ASAP1: variants seen among roughly 807,000 people sequenced by gnomAD.
ASAP1 encodes arf-GAP with SH3 domain, ANK repeat and PH domain-containing protein 1.
Under a neutral mutation model 145.2 loss-of-function variants are expected in ASAP1, and 43 were observed. That is an observed-to-expected ratio of 0.30 (90% confidence interval 0.23 to 0.38). The LOEUF (loss-of-function observed/expected upper bound fraction) is 0.38. Among genes scored for constraint, ASAP1 ranks in the 10% least tolerant of loss-of-function variants. ASAP1 has a pLI of 1.00. For synonymous variants in ASAP1, 546 were observed against 515.5 expected, an observed-to-expected ratio of 1.06 and a Z score of -0.80; for missense variants, 1,018 against 1,355.3, an observed-to-expected ratio of 0.75 and a Z score of 3.91.
At chr8:130,370,127 C>T (rs1336328953) in intron 2 of ASAP1, among the ~76,000 whole-genome samples, 1 of 152,122 alleles carries the variant, frequency 6.6e-6, no homozygotes, top group South Asian at 2.1e-4. Flanking sequence ...ATGGCAAAAC[C>T]CCGTCTCTAC....
At chr8:130,370,110 G>A (rs1827142057) in intron 2 of ASAP1, among the ~76,000 whole-genome samples, 1 of 152,140 alleles carries the variant, frequency 6.6e-6, no homozygotes, top group Non-Finnish European at 1.5e-5. Flanking sequence ...AGACCAGCCT[G>A]GCCATCATGG....
At chr8:130,200,611 GAA>G (rs1815807075) in intron 5 of ASAP1, among the ~76,000 whole-genome samples, 2 of 152,076 alleles carry the variant, frequency 1.3e-5, no homozygotes, top group South Asian at 4.1e-4. Context: ...AAAAAGTTTA[GAA>G]AGACAGAGGG....
At chr8:130,371,013 G>C (rs150413119) in intron 2 of ASAP1, among the ~76,000 whole-genome samples, 1 of 152,178 alleles carries the variant, frequency 6.6e-6, no homozygotes, top group African/African-American at 2.4e-5. Context: ...AAAAACCACT[G>C]AATTGTATAT....
At chr8:130,372,874 T>G (rs190947838) in intron 2 of ASAP1, among the ~76,000 whole-genome samples, 1 of 152,204 alleles carries the variant, frequency 6.6e-6, no homozygotes, top group African/African-American at 2.4e-5. Flanking sequence ...GAGAGCACAC[T>G]CATGCATATG....
At chr8:130,228,494 C>T (rs1410104788) in intron 4 of ASAP1, among the ~76,000 whole-genome samples, 5 of 151,988 alleles carry the variant, frequency 3.3e-5, no homozygotes, top group African/African-American at 9.6e-5. Flanking sequence ...TGAGCCCAGG[C>T]GGTCAAGACC....
chr8:130,081,734 A>G (rs1273134243), intron 25 of ASAP1, among the ~76,000 whole-genome samples: 1 of 152,160 alleles, frequency 6.6e-6, no homozygotes, highest in African/African-American at 2.4e-5. Context: ...TAAATGAATA[A>G]ATGGCTGCAG....
intron 2 of ASAP1, among the ~76,000 whole-genome samples, chr8:130,391,746 C>A (rs35009497): frequency 6.6e-6 from 1 of 152,192 alleles, no homozygotes; most frequent in Non-Finnish European, 1.5e-5. Context: ...CAGTCCAATA[C>A]AGTAAATGTA....
intron 4 of ASAP1, among the ~76,000 whole-genome samples, chr8:130,234,808 C>G (rs1214878548): frequency 6.6e-6 from 1 of 152,192 alleles, no homozygotes; most frequent in Non-Finnish European, 1.5e-5. Context: ...CATCACATTA[C>G]AGAGAACTGA....
At chr8:130,140,587 T>C (rs1176613444) in intron 13 of ASAP1, among the ~76,000 whole-genome samples, 1 of 152,298 alleles carries the variant, frequency 6.6e-6, no homozygotes, top group South Asian at 2.1e-4. Context: ...GGAATTTATA[T>C]GGTTTAAGTC....
chr8:130,394,155 G>A (rs1398616248), intron 2 of ASAP1, among the ~76,000 whole-genome samples: 2 of 152,174 alleles, frequency 1.3e-5, no homozygotes, highest in East Asian at 3.8e-4. Context: ...GAACAAGAGA[G>A]ATAACCTTAA....
chr8:130,342,507 G>A (rs1443892442), intron 3 of ASAP1, among the ~76,000 whole-genome samples: 1 of 152,100 alleles, frequency 6.6e-6, no homozygotes, highest in Non-Finnish European at 1.5e-5. Context: ...CCAGATAGCT[G>A]CTATTTGGCC....
At chr8:130,123,788 C>A (rs575229743) in intron 18 of ASAP1, among the ~76,000 whole-genome samples, 1 of 151,990 alleles carries the variant, frequency 6.6e-6, no homozygotes, top group South Asian at 2.1e-4. Context: ...CCACCACGCC[C>A]GGCTAATTTT....
chr8:130,427,046 T>C (rs1829945485), intron 1 of ASAP1, among the ~76,000 whole-genome samples: 1 of 151,994 alleles, frequency 6.6e-6, no homozygotes, highest in Non-Finnish European at 1.5e-5. Flanking sequence ...GTGTCTAGGA[T>C]GAGGATACAT....
chr8:130,217,131 G>A (rs1020962751), intron 4 of ASAP1, among the ~76,000 whole-genome samples: 2 of 152,200 alleles, frequency 1.3e-5, no homozygotes, highest in Non-Finnish European at 2.9e-5. Flanking sequence ...GAGTGGAAGT[G>A]ATGCATACCA....
rs565927549 is a variant in ASAP1 at position 130,076,530 on chromosome 8, C to CT, written c.2643-125dup. 1,001 of 753,078 alleles carry CT rather than the reference C, an allele frequency of 1.3e-3. 1 individual carries two copies. The highest frequency in any genetic ancestry group is 1.8e-3 in the South Asian group (94 of 51,702). 46.6% of individuals were successfully genotyped at this position (753,078 alleles called of 1,614,324 possible). A position where few individuals can be genotyped will look rare whatever the true frequency, so the allele number is the denominator to read the frequency against. On this transcript the variant is annotated intron_variant, in intron 26 of 29. Coordinates refer to ENST00000518721, the MANE Select transcript of ASAP1 (RefSeq NM_018482.4). ...ATCTAAAGAATGCTTTCAAAATTTC[C>CT]TTTTTTTTTGAGATGGAGTCTCCCT...
chr8:130,065,249 G>A (rs1233199857), intron 27 of ASAP1, among the ~76,000 whole-genome samples: 1 of 152,144 alleles, frequency 6.6e-6, no homozygotes, highest in South Asian at 2.1e-4. Flanking sequence ...GGCGGGGTCT[G>A]GAAGGGTCCT....
chr8:130,066,517 T>C (rs142419831), intron 27 of ASAP1, among the ~76,000 whole-genome samples: 9 of 152,288 alleles, frequency 5.9e-5, no homozygotes, highest in African/African-American at 2.2e-4. Flanking sequence ...GGCCTATTTC[T>C]TTCTTTTCTT....
intron 3 of ASAP1, among the ~76,000 whole-genome samples, chr8:130,309,579 G>A (rs190864172): frequency 4.6e-5 from 7 of 152,340 alleles, no homozygotes; most frequent in Admixed American, 4.6e-4. Flanking sequence ...GGCCTTGTGG[G>A]CTGCACCACC....
At chr8:130,177,019 C>A (rs560451126) in intron 9 of ASAP1, among the ~76,000 whole-genome samples, 1 of 152,246 alleles carries the variant, frequency 6.6e-6, no homozygotes, top group South Asian at 2.1e-4. Flanking sequence ...CTCCATGGTA[C>A]CCGTCACTGT....
Sources: allele counts gnomAD v4.1 joint callset (sites outside exome capture counted in the v4.1 genomes callset), GRCh38; gene constraint gnomAD v4.1.1; transcripts MANE v1.5; gene names NCBI Gene and HGNC (gene_info 2026-07-23, HGNC 2026-07-21).